Variants in ARHGEF10 observed in about 807,000 individuals in gnomAD.
ARHGEF10 encodes Rho guanine nucleotide exchange factor (GEF) 10.
Under a neutral mutation model 147.4 loss-of-function variants are expected in ARHGEF10, and 140 were observed. The ratio of observed to expected loss-of-function variants is 0.95; its 90% confidence interval spans 0.83 to 1.09. The LOEUF is 1.09. ARHGEF10 is among the 50% of genes least tolerant of loss of function. ARHGEF10 has a pLI of 0.00. For synonymous variants in ARHGEF10, 902 were observed against 695.8 expected (o/e 1.30, Z -4.67); for missense variants, 2,222 against 1,752.7 (o/e 1.27, Z -4.78).
intron 1 of ARHGEF10, among the ~76,000 whole-genome samples, chr8:1,830,233 C>T (rs1803009033): frequency 1.5e-5 from 1 of 68,844 alleles, no homozygotes; most frequent in Non-Finnish European, 3.2e-5. Flanking sequence ...CGCAGGCATG[C>T]GTGGCAGGCG....
intron 18 of ARHGEF10, among the ~76,000 whole-genome samples, chr8:1,920,748 C>T (rs564154622): frequency 7.3e-5 from 11 of 151,654 alleles, no homozygotes; most frequent in African/African-American, 1.2e-4. Flanking sequence ...AATAAAGTTG[C>T]GATGTGTAAC....
At chr8:1,898,344 T>C (rs1810179095) in intron 14 of ARHGEF10, 89 bp from the exon 15 acceptor site, 4 of 1,129,450 alleles carry the variant, frequency 3.5e-6, no homozygotes, top group Non-Finnish European at 5.3e-6. Context: ...CTTTCCCGAG[T>C]GTTCAGTGTG....
rs139084783 is a variant in ARHGEF10 at position 1,957,143 on chromosome 8, G to A, written c.3915G>A (p.Ser1305=). The change falls in exon 29 of 29, where the codon TCG becomes TCA. Residue 1305 remains serine, a synonymous_variant. Transcript: ENST00000349830. The part of the protein sequence containing the change: ...ARRAKKAKAS[S]ALVVCGGQGH... ...GGGCCAAGAAAGCCAAGGCCAGCTCGGCGCTGGTGGTCTGTGGAGGGCAGG... is the reference window on the plus strand; with the variant it reads ...GGGCCAAGAAAGCCAAGGCCAGCTCAGCGCTGGTGGTCTGTGGAGGGCAGG... 6.1e-4 allele frequency: 986 copies of A among 1,612,800 alleles called. No homozygotes were observed. The African/African-American group carries it at 9.6e-3, about 16-fold the overall frequency.
At chr8:1,946,905 G>A (rs1015346765) in intron 27 of ARHGEF10, among the ~76,000 whole-genome samples, 3 of 152,304 alleles carry the variant, frequency 2.0e-5, no homozygotes, top group East Asian at 1.9e-4. Context: ...CATGATAGCC[G>A]TTCTTTTCTC....
intron 1 of ARHGEF10, among the ~76,000 whole-genome samples, chr8:1,839,254 G>A (rs915942997): frequency 6.7e-6 from 1 of 148,238 alleles, no homozygotes; most frequent in African/African-American, 2.5e-5. Context: ...GGGACTGTCC[G>A]CTGTGGGTAC....
Position 1,885,421 on chromosome 8 carries a change from T to C in ARHGEF10, c.1076-180T>C, listed in dbSNP as rs528788479. Reference sequence around the variant, plus strand: ...TACAGACAAATATTGTATTACCCTCTGGAAAGAATATTTTATTGGATTTGT... The same window carrying C: ...TACAGACAAATATTGTATTACCCTCCGGAAAGAATATTTTATTGGATTTGT... On this transcript the variant is annotated intron_variant, in intron 10 of 28. Transcript: ENST00000349830. Among the ~76,000 whole-genome samples, 10 of 152,304 alleles carry C rather than the reference T, an allele frequency of 6.6e-5. No individual in the cohort carries two copies. In the East Asian group the frequency reaches 1.9e-3, roughly 29 times the overall value.
chr8:1,874,903 TAGGGG>T (rs1563212999), intron 7 of ARHGEF10, among the ~76,000 whole-genome samples: 3 of 22,270 alleles, frequency 1.3e-4, no homozygotes, highest in Non-Finnish European at 3.5e-4. Context: ...CGGGGCCGTG[TAGGGG>T]GTACAGGTTC....
intron 1 of ARHGEF10, among the ~76,000 whole-genome samples, chr8:1,835,462 G>A (rs1206360547): frequency 6.6e-6 from 1 of 152,186 alleles, no homozygotes; most frequent in Non-Finnish European, 1.5e-5. Context: ...CAGCCCTGCC[G>A]CCCCTGCAGC....
chr8:1,903,248 G>A (rs1012194348), intron 15 of ARHGEF10, 33 bp from the exon 16 acceptor site: 1 of 1,613,402 alleles, frequency 6.2e-7, no homozygotes, highest in East Asian at 2.2e-5. Context: ...GTGTCCACGT[G>A]GTAACTGCCC....
chr8:1,883,528 C>T (rs1220221444), intron 10 of ARHGEF10, among the ~76,000 whole-genome samples: 1 of 152,140 alleles, frequency 6.6e-6, no homozygotes, highest in Non-Finnish European at 1.5e-5. Flanking sequence ...CCTCAAGGAA[C>T]GGCCTCGGAT....
In ARHGEF10 at chr8:1,831,611, C is replaced by T. The variant is rs1198686649; in HGVS notation, c.-48+7498C>T. Among the ~76,000 whole-genome samples, 5 of 149,634 alleles carry T rather than the reference C, an allele frequency of 3.3e-5. 1 individual carries two copies. The highest frequency in any genetic ancestry group is 2.0e-4 in the Admixed American group (3 of 14,868). On this transcript the variant is annotated intron_variant, in intron 1 of 28. Coordinates refer to ENST00000349830, the MANE Select transcript of ARHGEF10 (RefSeq NM_014629.4). ...ACGGCCGTGGAGGGACAGTGGCAGC[C>T]GTGGAGGGGCCGTGCACAGTGAGTG... is the stretch of plus-strand genomic sequence containing the variant.
At position 1,882,800 on chromosome 8, in the gene ARHGEF10, G is replaced by A. The variant is rs1166566729; in HGVS notation, c.1075+51G>A. 3.6e-5 allele frequency: 32 copies of A among 899,384 alleles called. No homozygotes were observed. The Middle Eastern group carries it at 1.4e-3, about 40-fold the overall frequency. The allele number at this position is 899,384 out of a possible 1,614,324, so 55.7% of individuals were successfully genotyped here. A position where few individuals can be genotyped will look rare whatever the true frequency, so the allele number is the denominator to read the frequency against. ...GGGAGGACACGGGGTTGGGGGGGGC[G>A]GCCACATCTTGTGGGGAGGACTCGG... On this transcript the variant is annotated intron_variant, in intron 10 of 28. Coordinates refer to ENST00000349830, the MANE Select transcript of ARHGEF10 (RefSeq NM_014629.4).
intron 23 of ARHGEF10, chr8:1,926,686 C>G (rs1812719025): frequency 1.7e-6 from 1 of 601,852 alleles, no homozygotes; most frequent in Non-Finnish European, 3.0e-6. Context: ...TCCTTTTCAT[C>G]TAAAACATTT....
intron 2 of ARHGEF10, among the ~76,000 whole-genome samples, chr8:1,850,948 A>G (rs1805086918): frequency 6.6e-6 from 1 of 152,094 alleles, no homozygotes. Flanking sequence ...CCAACCTGAA[A>G]AGGCTGCGCC....
rs1320908982 is a variant in ARHGEF10, at chr8:1,833,345, CAG to C, written c.-48+9235_-48+9236del. Among the ~76,000 whole-genome samples the C allele has an allele frequency of 6.5e-4, 73 of 111,744 alleles. 1 individual carries two copies. Among genetic ancestry groups the C allele is most frequent in the African/African-American group, 2.5e-3 (69 of 27,364 alleles). The allele number at this position is 111,744 out of a possible 152,430, so 73.3% of individuals were successfully genotyped here. ...AGGGAGACAGAGACAGAGGCAGAGA[CAG>C]AGGCAGAGAGAGACAGAGGCAGAGA... On this transcript the variant is annotated intron_variant, in intron 1 of 28. Transcript: ENST00000349830.
At chr8:1,891,898 C>T (rs1371877978) in intron 11 of ARHGEF10, among the ~76,000 whole-genome samples, 1 of 151,016 alleles carries the variant, frequency 6.6e-6, no homozygotes, top group East Asian at 1.9e-4. Flanking sequence ...GATCTTTTGA[C>T]CTGATACTAT....
chr8:1,834,327 G>C (rs184102083), intron 1 of ARHGEF10, among the ~76,000 whole-genome samples: 227 of 152,316 alleles, frequency 1.5e-3, no homozygotes, highest in African/African-American at 5.3e-3. Context: ...TTTTCTGGGA[G>C]CGTGCAGAGG....
chr8:1,857,857 C>G, intron 2 of ARHGEF10, 103 bp from the exon 3 acceptor site: 1 of 1,140,710 alleles, frequency 8.8e-7, no homozygotes, highest in Non-Finnish European at 1.3e-6. Context: ...TAGTCAGTGT[C>G]TCTGGCTAAC....
At chr8:1,840,329 G>T (rs1156636000) in intron 1 of ARHGEF10, among the ~76,000 whole-genome samples, 3 of 135,556 alleles carry the variant, frequency 2.2e-5, no homozygotes, top group African/African-American at 5.9e-5. Context: ...TGGTGTGGAA[G>T]CTGTCCGATA....
Sources: gnomAD v4.1 joint callset for allele counts (sites outside exome capture counted in the v4.1 genomes callset) on GRCh38, gnomAD v4.1.1 for gene constraint, MANE v1.5 for transcripts, NCBI Gene and HGNC (gene_info 2026-07-23, HGNC 2026-07-21) for gene names.